THSD7A: variants seen among roughly 807,000 people sequenced by gnomAD.
THSD7A encodes the protein thrombospondin type 1 domain containing 7A.
Under a neutral mutation model 231.3 loss-of-function variants are expected in THSD7A, and 96 were observed. The observed-to-expected ratio is 0.41, with a 90% confidence interval of 0.35 to 0.49. The LOEUF (loss-of-function observed/expected upper bound fraction) is 0.49, where lower values mean the gene tolerates loss of function less well. Ranked by LOEUF, THSD7A falls within the 20% of genes least tolerant of loss-of-function variation. The probability of loss-of-function intolerance (pLI) is 0.05; values close to 1 mark genes in which losing one functional copy is unlikely to be tolerated. For synonymous variants in THSD7A, 940 were observed against 743.3 expected, an observed-to-expected ratio of 1.26 and a Z score of -4.30; for missense variants, 2,290 against 2,070.2, an observed-to-expected ratio of 1.11 and a Z score of -2.06.
intron 11 of THSD7A, 135 bp from the exon 12 acceptor site, chr7:11,447,559 A>G (rs1447218389): frequency 1.5e-6 from 1 of 682,358 alleles, no homozygotes; most frequent in East Asian, 3.1e-5. Context: ...GAAATCTTAT[A>G]GGAGTGTTTC....
At chr7:11,379,338 A>G in intron 25 of THSD7A, 58 bp from the exon 26 acceptor site, 1 of 1,550,916 alleles carries the variant, frequency 6.4e-7, no homozygotes. Flanking sequence ...GAAGTCTAAC[A>G]GACCTGACTT....
chr7:11,471,213 C>T (rs1313965272), intron 8 of THSD7A, among the ~76,000 whole-genome samples: 1 of 151,772 alleles, frequency 6.6e-6, no homozygotes, highest in Non-Finnish European at 1.5e-5. Context: ...CATATAAATC[C>T]CTGCCATGTA....
intron 1 of THSD7A, among the ~76,000 whole-genome samples, chr7:11,726,346 C>T (rs1032040477): frequency 5.3e-5 from 8 of 152,040 alleles, no homozygotes; most frequent in African/African-American, 1.4e-4. Flanking sequence ...TTCTACCACA[C>T]ATCATCATTT....
At chr7:11,392,846 G>GAGC (rs1445540345) in intron 23 of THSD7A, among the ~76,000 whole-genome samples, 2 of 152,216 alleles carry the variant, frequency 1.3e-5, no homozygotes, top group African/African-American at 2.4e-5. Context: ...CCTTCTCCCT[G>GAGC]AGCAGGGCAT....
At chr7:11,822,958 C>G (rs1784917584) in intron 1 of THSD7A, among the ~76,000 whole-genome samples, 1 of 152,004 alleles carries the variant, frequency 6.6e-6, no homozygotes, top group South Asian at 2.1e-4. Flanking sequence ...TCAGTTTAAT[C>G]AAGTTTCATT....
chr7:11,684,596 A>T (rs1163600682), intron 1 of THSD7A, among the ~76,000 whole-genome samples: 1 of 151,952 alleles, frequency 6.6e-6, no homozygotes, highest in African/African-American at 2.4e-5. Context: ...AATAATGTTC[A>T]AGCTGGAAAC....
At chr7:11,799,511 T>A (rs1562564388) in intron 1 of THSD7A, among the ~76,000 whole-genome samples, 1 of 152,158 alleles carries the variant, frequency 6.6e-6, no homozygotes, top group Non-Finnish European at 1.5e-5. Flanking sequence ...ATAACAAGAA[T>A]AAAAATGTAT....
At chr7:11,451,136 A>T (rs1583766219) in intron 11 of THSD7A, among the ~76,000 whole-genome samples, 2 of 152,030 alleles carry the variant, frequency 1.3e-5, no homozygotes, top group South Asian at 4.1e-4. Flanking sequence ...GTAAAGATAA[A>T]TAAGAGAAGT....
At chr7:11,512,704 C>T (rs950386300) in intron 6 of THSD7A, among the ~76,000 whole-genome samples, 1 of 144,396 alleles carries the variant, frequency 6.9e-6, no homozygotes, top group Non-Finnish European at 1.5e-5. Flanking sequence ...CACATGTTCT[C>T]ACTCATAGGT....
In THSD7A at chr7:11,370,788, A is replaced by C. The variant is rs200135114; in HGVS notation, c.*5006T>G. On this transcript the variant is annotated 3_prime_UTR_variant, in exon 28 of 28. Transcript: ENST00000423059. Reference sequence around the variant, plus strand: ...TAATTTATAGAAAGACAGATTGCAAATTTTAATAAAGTTATATTTTACAAT... The same window carrying C: ...TAATTTATAGAAAGACAGATTGCAACTTTTAATAAAGTTATATTTTACAAT... The C allele has an allele frequency of 6.6e-6, 1 of 152,178 alleles. No individual in the cohort carries two copies. The highest frequency in any genetic ancestry group is 1.9e-4 in the East Asian group (1 of 5,200). 9.4% of individuals were successfully genotyped at this position (152,178 alleles called of 1,614,324 possible).
chr7:11,566,915 T>G (rs1790353268), intron 4 of THSD7A, among the ~76,000 whole-genome samples: 1 of 137,182 alleles, frequency 7.3e-6, no homozygotes, highest in Admixed American at 7.6e-5. Context: ...AACTCTTTTG[T>G]GAGCTGATAA....
At chr7:11,639,007 T>G (rs1449681455) in intron 1 of THSD7A, among the ~76,000 whole-genome samples, 1 of 152,124 alleles carries the variant, frequency 6.6e-6, no homozygotes, top group Non-Finnish European at 1.5e-5. Flanking sequence ...TGGCATTTAT[T>G]CCCCATCCCC....
chr7:11,639,777 G>C (rs1181226395), intron 1 of THSD7A, among the ~76,000 whole-genome samples: 2 of 152,104 alleles, frequency 1.3e-5, no homozygotes, highest in African/African-American at 2.4e-5. Flanking sequence ...TTGACTTCAA[G>C]TCTATATGTT....
In THSD7A at chr7:11,831,888, C is replaced by G. The variant is rs886358322; in HGVS notation, c.59G>C (p.Arg20Pro). ...CAGCGGCAGCAGCTGCAGGACGCCC[C>G]GGCGCGGCCCCGCAGCGCCCCGGCT... Reference protein sequence around the residue: ...SGSRGAAGPRRGVLQLLPLPL... With the variant: ...SGSRGAAGPRPGVLQLLPLPL... Residue 20 changes from arginine to proline, a missense_variant, in exon 1 of 28, where the codon CGG (arginine) becomes CCG (proline). Transcript: ENST00000423059. This position sits in a 1 kb window ranked among gnomAD's most constrained non-coding sequence, Gnocchi z 5.0. 13 of 1,247,168 alleles carry G rather than the reference C, an allele frequency of 1.0e-5. No individual in the cohort carries two copies. Among genetic ancestry groups the G allele is most frequent in the South Asian group, 3.8e-5 (1 of 26,024 alleles). The allele number at this position is 1,247,168 out of a possible 1,614,324, so 77.3% of individuals were successfully genotyped here.
At chr7:11,659,522 G>A (rs725588) in intron 1 of THSD7A, among the ~76,000 whole-genome samples, 82,663 of 150,894 alleles carry the variant, frequency 0.55, 22,940 homozygotes, top group Admixed American at 0.61. Context: ...TTTTCTCTCA[G>A]ATAGATCTCT....
intron 1 of THSD7A, among the ~76,000 whole-genome samples, chr7:11,720,245 C>T (rs1781303255): frequency 6.6e-6 from 1 of 151,784 alleles, no homozygotes; most frequent in African/African-American, 2.4e-5. Flanking sequence ...ATTCCACCTC[C>T]TGAACTTTAT....
At chr7:11,650,609 C>T (rs1054867443) in intron 1 of THSD7A, among the ~76,000 whole-genome samples, 1 of 151,986 alleles carries the variant, frequency 6.6e-6, no homozygotes, top group Non-Finnish European at 1.5e-5. Flanking sequence ...AGGTGTCTTG[C>T]ACTACCATGT....
chr7:11,675,569 C>T (rs1254375216), intron 1 of THSD7A, among the ~76,000 whole-genome samples: 1 of 152,138 alleles, frequency 6.6e-6, no homozygotes, highest in African/African-American at 2.4e-5. Flanking sequence ...GATGCTCCAG[C>T]TTGGTGGGGG....
chr7:11,524,669 C>A (rs1788401085), intron 6 of THSD7A, among the ~76,000 whole-genome samples: 1 of 152,104 alleles, frequency 6.6e-6, no homozygotes. Context: ...TTTGAATAGT[C>A]CCAGAACTTG....
Sources: gnomAD v4.1 joint callset for allele counts (sites outside exome capture counted in the v4.1 genomes callset) on GRCh38, gnomAD v4.1.1 for gene constraint, Gnocchi (gnomAD v3.1) non-coding constraint, MANE v1.5 for transcripts, NCBI Gene and HGNC (gene_info 2026-07-23, HGNC 2026-07-21) for gene names.